XYLB: variants seen among roughly 807,000 people sequenced by gnomAD.
The protein encoded by XYLB is xylulose kinase.
XYLB carries 62 observed loss-of-function variants against 78.7 expected under a neutral mutation model. The ratio of observed to expected loss-of-function variants is 0.79; its 90% CI spans 0.64 to 0.97. The LOEUF (loss-of-function observed/expected upper bound fraction) is 0.97. XYLB is among the 50% of genes least tolerant of loss of function. The pLI, the probability that XYLB is intolerant of heterozygous loss-of-function variation, is 0.00. For synonymous variants in XYLB, 245 were observed against 247.4 expected (o/e 0.99, Z 0.09); for missense variants, 687 against 676.8 (o/e 1.02, Z -0.17).
At chr3:38,367,996 G>A (rs528074269) in intron 7 of XYLB, among the ~76,000 whole-genome samples, 189 bp from the exon 8 acceptor site, 3 of 152,256 alleles carry the variant, frequency 2.0e-5, no homozygotes, top group South Asian at 2.1e-4. Flanking sequence ...ATGCTCTCCC[G>A]AGGAGTCTGC....
chr3:38,421,826 A>G (rs1318674016), downstream of XYLB, among the ~76,000 whole-genome samples: 1 of 152,162 alleles, frequency 6.6e-6, no homozygotes, highest in African/African-American at 2.4e-5. Flanking sequence ...TATTTTGAAG[A>G]AAAGGAGTGG....
intron 18 of XYLB, among the ~76,000 whole-genome samples, chr3:38,406,900 C>A (rs1208751668): frequency 6.6e-6 from 1 of 151,802 alleles, no homozygotes; most frequent in Non-Finnish European, 1.5e-5. Context: ...ACCAAATCTA[C>A]GTCTGATTGG....
intron 18 of XYLB, among the ~76,000 whole-genome samples, chr3:38,401,748 C>G (rs56981602): frequency 0.014 from 2,078 of 152,256 alleles, 40 homozygotes; most frequent in East Asian, 0.078. Flanking sequence ...GCTGAGGGCT[C>G]TCTGCCAACA....
At position 38,376,955 on chromosome 3, in the gene XYLB, T is replaced by G. The variant is rs767881749; in HGVS notation, c.1158T>G (p.Ile386Met). The change falls in exon 14 of 19, where the codon ATT becomes ATG. Residue 386 changes from isoleucine to methionine, a missense_variant. Ile to Met is a conservative substitution (Grantham distance 10). Coordinates refer to ENST00000207870, the MANE Select transcript of XYLB (RefSeq NM_005108.4). The stretch of plus-strand genomic sequence containing the variant: ...ATGTAATGGAGATCACCCCTGAAAT[T>G]ATTGGACGTCATAGGTTTAACACAG... ...YFDVMEITPE[I>M]IGRHRFNTEN... 8 of 1,614,020 alleles carry G rather than the reference T, an allele frequency of 5.0e-6. No individual in the cohort carries two copies. Among genetic ancestry groups the G allele is most frequent in the Non-Finnish European group, 6.8e-6 (8 of 1,180,016 alleles).
intron 7 of XYLB, among the ~76,000 whole-genome samples, chr3:38,367,488 T>C (rs1706327070): frequency 6.6e-6 from 1 of 152,226 alleles, no homozygotes; most frequent in Non-Finnish European, 1.5e-5. Context: ...TAACATGTGG[T>C]TTATTATTTA....
chr3:38,425,826 C>T (rs1709089066), downstream of XYLB, among the ~76,000 whole-genome samples: 1 of 152,174 alleles, frequency 6.6e-6, no homozygotes, highest in Non-Finnish European at 1.5e-5. Context: ...GTCCACCTTT[C>T]CTGCTTGTAG....
intron 4 of XYLB, among the ~76,000 whole-genome samples, chr3:38,364,352 C>G (rs1706133298): frequency 6.6e-6 from 1 of 151,868 alleles, no homozygotes; most frequent in African/African-American, 2.4e-5. Context: ...GCCTCCTTGC[C>G]TCCAGCCTAC....
chr3:38,401,086 C>A, intron 18 of XYLB, 101 bp downstream of exon 18: 1 of 976,528 alleles, frequency 1.0e-6, no homozygotes, highest in South Asian at 1.4e-5. Flanking sequence ...GTGATGTGCT[C>A]AACTAAAGGA....
the XYLB span, among the ~76,000 whole-genome samples, chr3:38,437,835 G>A: frequency 2.0e-5 from 3 of 152,114 alleles, no homozygotes; most frequent in Non-Finnish European, 4.4e-5. Context: ...ACTTTCGGAG[G>A]CTAAGGCAGG....
At chr3:38,448,468 TAAACTAA>T in the XYLB span, among the ~76,000 whole-genome samples, 35 of 152,334 alleles carry the variant, frequency 2.3e-4, no homozygotes, top group African/African-American at 8.2e-4. Context: ...AAAATCAAAT[TAAACTAA>T]AATCCTTGAC....
chr3:38,451,191 G>T, the XYLB span: 1 of 152,180 alleles, frequency 6.6e-6, no homozygotes. Context: ...AAGCAATCAT[G>T]GTGACTGAGG....
chr3:38,372,389 T>C (rs704952), intron 9 of XYLB: 929,401 of 985,158 alleles, frequency 0.94, 438,581 homozygotes, highest in East Asian at 1. Flanking sequence ...GTTCTCTCTA[T>C]CTTAAATCTC....
intron 18 of XYLB, among the ~76,000 whole-genome samples, chr3:38,407,136 AG>A (rs1316150377): frequency 2.0e-5 from 3 of 148,772 alleles, no homozygotes; most frequent in African/African-American, 7.4e-5. Flanking sequence ...CCAGAGAGAA[AG>A]GTCGGGTTAC....
intron 18 of XYLB, among the ~76,000 whole-genome samples, chr3:38,405,440 T>C (rs1412293643): frequency 6.9e-6 from 1 of 144,004 alleles, no homozygotes; most frequent in Non-Finnish European, 1.5e-5. Flanking sequence ...GGTCTACAGC[T>C]CCCAGCATGA....
At chr3:38,354,669 A>G (rs1485245542) in intron 2 of XYLB, among the ~76,000 whole-genome samples, 1 of 151,794 alleles carries the variant, frequency 6.6e-6, no homozygotes, top group Non-Finnish European at 1.5e-5. Context: ...CACTTGGCTA[A>G]TTTTTGAGTT....
chr3:38,415,142 G>C (rs1708745052), downstream of XYLB, among the ~76,000 whole-genome samples: 2 of 152,172 alleles, frequency 1.3e-5, no homozygotes, highest in Non-Finnish European at 2.9e-5. Context: ...CTCTTACAAA[G>C]GAAAGACCTG....
At chr3:38,392,691 ATCTT>A (rs1707718433) in intron 15 of XYLB, among the ~76,000 whole-genome samples, 1 of 151,992 alleles carries the variant, frequency 6.6e-6, no homozygotes, top group Non-Finnish European at 1.5e-5. Context: ...TTGATTTCCT[ATCTT>A]TCTCTTATTG....
At chr3:38,362,130 G>A (rs1488206483) in intron 3 of XYLB, among the ~76,000 whole-genome samples, 2 of 152,206 alleles carry the variant, frequency 1.3e-5, no homozygotes, top group African/African-American at 4.8e-5. Flanking sequence ...CTGATGCTTT[G>A]CTCTCACGGG....
chr3:38,396,402 G>A (rs1027728546), intron 16 of XYLB, among the ~76,000 whole-genome samples: 4 of 152,188 alleles, frequency 2.6e-5, no homozygotes. Flanking sequence ...AGGCCACCCT[G>A]GGGAGGTTAA....
Sources: allele counts gnomAD v4.1 joint callset (sites outside exome capture counted in the v4.1 genomes callset), GRCh38; gene constraint gnomAD v4.1.1; transcripts MANE v1.5; gene names NCBI Gene and HGNC (gene_info 2026-07-23, HGNC 2026-07-21).